The following PDILT variants were observed in gnomAD, a reference collection of about 807,000 sequenced individuals.
PDILT encodes the protein protein disulfide isomerase like, testis expressed.
Under a neutral mutation model 53.7 loss-of-function variants are expected in PDILT, and 43 were observed. The ratio of observed to expected loss-of-function variants is 0.80; its 90% CI spans 0.63 to 1.03. The LOEUF (loss-of-function observed/expected upper bound fraction) is 1.03, where lower values mean the gene tolerates loss of function less well. Ranked by LOEUF, PDILT falls within the 50% of genes least tolerant of loss-of-function variation. The pLI, the probability that PDILT is intolerant of heterozygous loss-of-function variation, is 0.00. For synonymous variants in PDILT, 282 were observed against 274.2 expected, an observed-to-expected ratio of 1.03 and a Z score of -0.28; for missense variants, 727 against 712.3, an observed-to-expected ratio of 1.02 and a Z score of -0.24.
At chr16:20,376,361 C>T (rs1966389640) in intron 3 of PDILT, among the ~76,000 whole-genome samples, 160 bp from the exon 4 acceptor site, 1 of 152,192 alleles carries the variant, frequency 6.6e-6, no homozygotes, top group Admixed American at 6.5e-5. Flanking sequence ...TCCCCAAGCT[C>T]CAAGCACGAA....
rs776439998 is a variant in PDILT, at chr16:20,369,566, T to C, written c.1042A>G (p.Lys348Glu). Reference protein sequence around the residue: ...ILNLSSDARYKMPSDDITYES... With the variant: ...ILNLSSDARYEMPSDDITYES... ...TAGGTTATGTCATCTGAAGGCATTT[T>C]GTACCTGGCGTCAGAGCTCAAGTTT... is the stretch of plus-strand genomic sequence containing the variant. The change falls in exon 8 of 12, where the codon AAA (lysine) becomes GAA (glutamate). Residue 348 changes from lysine to glutamate, a missense_variant. Lys to Glu is a moderately conservative substitution (Grantham distance 56). Transcript: ENST00000302451. 6.2e-7 allele frequency: 1 copy of C among 1,614,242 alleles called. No homozygotes were observed. Among genetic ancestry groups the C allele is most frequent in the Non-Finnish European group, 8.5e-7 (1 of 1,180,040 alleles).
In PDILT at chr16:20,369,543, G is replaced by A; in HGVS notation, c.1065C>T (p.Thr355=). Reference sequence around the variant, plus strand: ...GGCCAAATTTCTTGAGGCTTTCGTAGGTTATGTCATCTGAAGGCATTTTGT... The same window carrying A: ...GGCCAAATTTCTTGAGGCTTTCGTAAGTTATGTCATCTGAAGGCATTTTGT... The part of the protein sequence containing the change: ...ARYKMPSDDI[T]YESLKKFGRS... The change falls in exon 8 of 12, where the codon ACC becomes ACT. Residue 355 remains threonine (T), a synonymous_variant. Transcript: ENST00000302451. The A allele has an allele frequency of 1.2e-6, 2 of 1,614,224 alleles. No homozygotes were observed. The highest frequency in any genetic ancestry group is 1.7e-6 in the Non-Finnish European group (2 of 1,180,050).
chr16:20,369,523 A>G lies in PDILT; in HGVS notation c.1085T>C (p.Phe362Ser), dbSNP rs1426164740. 2 of 1,614,154 alleles carry G rather than the reference A, an allele frequency of 1.2e-6. No individual in the cohort carries two copies. Among genetic ancestry groups the G allele is most frequent in the Middle Eastern group, 1.6e-4 (1 of 6,062 alleles). ...ATTTTTACTCAGGAAGCTGCGGCCA[A>G]ATTTCTTGAGGCTTTCGTAGGTTAT... Reference protein sequence around the residue: ...DDITYESLKKFGRSFLSKNAT... With the variant: ...DDITYESLKKSGRSFLSKNAT... Residue 362 changes from phenylalanine (F) to serine (S), a missense_variant, in exon 8 of 12, where the codon TTT becomes TCT. Transcript: ENST00000302451.
At chr16:20,374,278 G>T (rs879937816) in intron 5 of PDILT, among the ~76,000 whole-genome samples, 1 of 152,086 alleles carries the variant, frequency 6.6e-6, no homozygotes, top group African/African-American at 2.4e-5. Flanking sequence ...TAGGGTTGTG[G>T]TGATGGATTG....
chr16:20,361,429 T>G (rs1185412482), intron 10 of PDILT, among the ~76,000 whole-genome samples: 1 of 152,044 alleles, frequency 6.6e-6, no homozygotes, highest in Admixed American at 6.6e-5. Flanking sequence ...GTGATCCAAC[T>G]GCCTCAGGCT....
At chr16:20,370,529 G>C (rs935035544) in intron 7 of PDILT, among the ~76,000 whole-genome samples, 2 of 152,198 alleles carry the variant, frequency 1.3e-5, no homozygotes, top group African/African-American at 4.8e-5. Flanking sequence ...AAGGCCTGAA[G>C]ACAAAACAAA....
intron 7 of PDILT, 92 bp from the exon 8 acceptor site, chr16:20,369,781 T>C: frequency 1.6e-6 from 2 of 1,282,398 alleles, no homozygotes; most frequent in South Asian, 1.2e-5. Context: ...ATGCACATGG[T>C]GGGGTCTGTG....
At chr16:20,379,677 G>A (rs1966435185) in intron 3 of PDILT, among the ~76,000 whole-genome samples, 1 of 152,192 alleles carries the variant, frequency 6.6e-6, no homozygotes. Context: ...CTTCTGTTGG[G>A]TGTATAGCCA....
rs750927192 is a variant in PDILT at position 20,373,094 on chromosome 16, A to T, written c.710T>A (p.Ile237Asn). The change falls in exon 6 of 12, where the codon ATT becomes AAT. Residue 237 changes from isoleucine (I) to asparagine (N), a missense_variant. Coordinates refer to ENST00000302451, the MANE Select transcript of PDILT (RefSeq NM_174924.2). Reference protein sequence around the residue: ...KGKIVNRQKLINDSTNKQELN... With the variant: ...KGKIVNRQKLNNDSTNKQELN... The stretch of plus-strand genomic sequence containing the variant: ...TTCCTGTTTGTTGGTACTGTCATTA[A>T]TAAGCTTTTGGCGGTTCACAATTTT... The T allele has an allele frequency of 1.2e-5, 19 of 1,614,012 alleles. No individual in the cohort carries two copies. The highest frequency in any genetic ancestry group is 1.6e-5 in the Non-Finnish European group (19 of 1,179,988).
intron 2 of PDILT, among the ~76,000 whole-genome samples, chr16:20,387,284 G>A (rs1352422297): frequency 6.6e-6 from 1 of 152,194 alleles, no homozygotes; most frequent in African/African-American, 2.4e-5. Context: ...GGGAGTATTA[G>A]GGAAATTGCA....
At chr16:20,389,819 G>A (rs1407775712) in intron 2 of PDILT, among the ~76,000 whole-genome samples, 1 of 152,154 alleles carries the variant, frequency 6.6e-6, no homozygotes, top group Non-Finnish European at 1.5e-5. Flanking sequence ...AGGGACTGGA[G>A]TTTGATCCCA....
At chr16:20,393,418 A>T (rs1265425481) in intron 2 of PDILT, among the ~76,000 whole-genome samples, 1 of 152,232 alleles carries the variant, frequency 6.6e-6, no homozygotes, top group Non-Finnish European at 1.5e-5. Flanking sequence ...AACTACATTG[A>T]TGAAACTTCA....
intron 8 of PDILT, among the ~76,000 whole-genome samples, chr16:20,367,625 A>T (rs1966233513): frequency 6.6e-6 from 1 of 152,196 alleles, no homozygotes. Context: ...GAGGATAGGT[A>T]GGATTTTAGA....
Position 20,369,517 on chromosome 16 carries a change from C to A in PDILT, c.1091G>T (p.Arg364Leu), listed in dbSNP as rs151053059. Reference protein sequence around the residue: ...ITYESLKKFGRSFLSKNATKH... With the variant: ...ITYESLKKFGLSFLSKNATKH... ...TGTGGCATTTTTACTCAGGAAGCTG[C>A]GGCCAAATTTCTTGAGGCTTTCGTA... Residue 364 changes from arginine to leucine, a missense_variant, in exon 8 of 12, where the codon CGC becomes CTC. Coordinates refer to ENST00000302451, the MANE Select transcript of PDILT (RefSeq NM_174924.2). 65 of 1,614,110 alleles carry A rather than the reference C, an allele frequency of 4.0e-5. 2 individuals are homozygous for A. The South Asian group carries it at 6.5e-4, about 16-fold the overall frequency.
chr16:20,366,585 C>G (rs773017592), intron 8 of PDILT, among the ~76,000 whole-genome samples: 25 of 152,214 alleles, frequency 1.6e-4, no homozygotes, highest in Non-Finnish European at 3.7e-4. Flanking sequence ...CATTGAGCAT[C>G]CATTGCCTGT....
In PDILT at chr16:20,374,937, T is replaced by G. The variant is rs778156248; in HGVS notation, c.566A>C (p.Glu189Ala). ...GTCTTTGATCACATCATAGAACAAC[T>G]CTGCTACTTCTTCCTCTAAATCCTA... The part of the protein sequence containing the change: ...FFQDLEEEVA[E>A]LFYDVIKDFP... The change falls in exon 5 of 12, where the codon GAG becomes GCG. Residue 189 changes from glutamate (E) to alanine (A), a missense_variant. Physicochemically the swap from Glu to Ala is moderately radical, Grantham distance 107 (BLOSUM62 -1). Transcript: ENST00000302451. 41 of 1,610,802 alleles carry G rather than the reference T, an allele frequency of 2.5e-5. No individual in the cohort carries two copies. The highest frequency in any genetic ancestry group is 3.4e-5 in the Non-Finnish European group (40 of 1,178,408).
At chr16:20,360,692 C>T (rs1966087910) in intron 10 of PDILT, 35 bp from the exon 11 acceptor site, 1 of 1,476,926 alleles carries the variant, frequency 6.8e-7, no homozygotes, top group Non-Finnish European at 9.5e-7. Flanking sequence ...AGGATGGGAT[C>T]CTCTTCCCGC....
intron 7 of PDILT, among the ~76,000 whole-genome samples, chr16:20,372,171 T>C (rs533406448): frequency 3.3e-5 from 5 of 152,312 alleles, no homozygotes; most frequent in Middle Eastern, 3.4e-3. Context: ...ATGATGATAA[T>C]AATAAAAAGC....
At chr16:20,388,483 T>C (rs1966567555) in intron 2 of PDILT, among the ~76,000 whole-genome samples, 1 of 152,230 alleles carries the variant, frequency 6.6e-6, no homozygotes, top group Non-Finnish European at 1.5e-5. Context: ...AATCTTTTTC[T>C]TGGAGCAGAT....
Sources: gnomAD v4.1 joint callset for allele counts (sites outside exome capture counted in the v4.1 genomes callset) on GRCh38, gnomAD v4.1.1 for gene constraint, MANE v1.5 for transcripts, NCBI Gene and HGNC (gene_info 2026-07-23, HGNC 2026-07-21) for gene names.